The following CSMD3 variants were observed in gnomAD, a reference collection of about 807,000 sequenced individuals.
CSMD3 encodes CUB and sushi domain-containing protein 3.
Under a neutral mutation model 435.2 loss-of-function variants are expected in CSMD3, and 177 were observed. That is an observed-to-expected ratio of 0.41 (90% CI 0.36 to 0.46). The LOEUF (loss-of-function observed/expected upper bound fraction) is 0.46, where lower values mean the gene tolerates loss of function less well. Among genes scored for constraint, CSMD3 ranks in the 20% least tolerant of loss-of-function variants. CSMD3 has a pLI of 0.34. For missense variants in CSMD3, 4,265 were observed against 4,504.6 expected (o/e 0.95, Z 1.52); for synonymous variants, 1,656 against 1,520.5 (o/e 1.09, Z -2.07).
chr8:112,385,414 A>G (rs1260191472), intron 36 of CSMD3, among the ~76,000 whole-genome samples: 1 of 152,226 alleles, frequency 6.6e-6, no homozygotes, highest in African/African-American at 2.4e-5. Context: ...ATAAAAAACT[A>G]AACCCCAGCA....
chr8:112,606,204 C>A (rs1331989475), intron 22 of CSMD3, among the ~76,000 whole-genome samples: 2 of 152,146 alleles, frequency 1.3e-5, no homozygotes, highest in African/African-American at 4.8e-5. Context: ...CAGGGTGGCA[C>A]AGGTTGATGC....
At chr8:113,041,767 C>T (rs1040026279) in intron 5 of CSMD3, among the ~76,000 whole-genome samples, 10 of 152,000 alleles carry the variant, frequency 6.6e-5, no homozygotes, top group African/African-American at 1.9e-4. Flanking sequence ...CTTAGAAAGC[C>T]TTTTTCTATT....
intron 15 of CSMD3, 90 bp from the exon 16 acceptor site, chr8:112,682,726 A>G: frequency 1.1e-6 from 1 of 897,480 alleles, no homozygotes; most frequent in Non-Finnish European, 1.8e-6. Context: ...GAGAGAGAGA[A>G]AGAGATATTT....
intron 9 of CSMD3, among the ~76,000 whole-genome samples, chr8:112,942,584 A>G (rs892669441): frequency 1.3e-5 from 2 of 151,818 alleles, no homozygotes; most frequent in Admixed American, 6.6e-5. Context: ...GCTGGAGGCG[A>G]TGGTCCTAAG....
intron 3 of CSMD3, among the ~76,000 whole-genome samples, chr8:113,266,596 T>G (rs1024321211): frequency 6.6e-6 from 1 of 151,604 alleles, no homozygotes; most frequent in Non-Finnish European, 1.5e-5. Context: ...TAGGGTGAGA[T>G]AATCCATGTA....
chr8:113,286,861 A>T (rs2093650386), intron 2 of CSMD3, among the ~76,000 whole-genome samples: 1 of 151,978 alleles, frequency 6.6e-6, no homozygotes, highest in Non-Finnish European at 1.5e-5. Context: ...CAAAATAGAC[A>T]TGGATGTAAG....
chr8:113,265,083 C>T (rs968214535), intron 3 of CSMD3, among the ~76,000 whole-genome samples: 77 of 151,514 alleles, frequency 5.1e-4, no homozygotes, highest in African/African-American at 1.8e-3. Context: ...ATACATGTTG[C>T]TAAACGTGTC....
intron 27 of CSMD3, among the ~76,000 whole-genome samples, chr8:112,540,520 T>C (rs2131134096): frequency 6.6e-6 from 1 of 152,142 alleles, no homozygotes; most frequent in Middle Eastern, 3.4e-3. Flanking sequence ...AACGAAGGTA[T>C]TCAATCAACC....
At chr8:113,340,036 T>A (rs1311320186) in intron 1 of CSMD3, among the ~76,000 whole-genome samples, 3 of 152,058 alleles carry the variant, frequency 2.0e-5, no homozygotes, top group African/African-American at 4.8e-5. Flanking sequence ...TAGTCTTTAC[T>A]TAACTTTGAA....
intron 6 of CSMD3, among the ~76,000 whole-genome samples, chr8:112,982,043 G>GTATCTCTCT (rs1457071814): frequency 6.6e-6 from 1 of 151,750 alleles, no homozygotes; most frequent in Non-Finnish European, 1.5e-5. Context: ...CTTGAAAATA[G>GTATCTCTCT]TATCTCTCTC....
At chr8:112,463,778 G>T (rs148619389) in intron 32 of CSMD3, among the ~76,000 whole-genome samples, 1 of 152,106 alleles carries the variant, frequency 6.6e-6, no homozygotes, top group Admixed American at 6.5e-5. Flanking sequence ...GGTTGTGTGT[G>T]TCAAGCAGTC....
chr8:113,289,578 G>A (rs1466128734), intron 2 of CSMD3, among the ~76,000 whole-genome samples: 2 of 150,136 alleles, frequency 1.3e-5, no homozygotes, highest in East Asian at 3.9e-4. Flanking sequence ...GAGAGAGAGA[G>A]AGAGAGAGAG....
chr8:112,860,176 C>T (rs1053519559), intron 10 of CSMD3, among the ~76,000 whole-genome samples: 2 of 151,688 alleles, frequency 1.3e-5, no homozygotes, highest in Non-Finnish European at 3.0e-5. Context: ...CCCAGGTCTT[C>T]TGATTCAAGT....
At position 112,406,387 on chromosome 8, in the gene CSMD3, T is replaced by A. The variant is rs1039242242; in HGVS notation, c.5809+137A>T. The A allele has an allele frequency of 6.2e-6, 3 of 486,296 alleles. No individual in the cohort carries two copies. The Admixed American group carries it at 1.1e-4, about 18-fold the overall frequency. The allele number at this position is 486,296 out of a possible 1,614,324, so 30.1% of individuals were successfully genotyped here. A position where few individuals can be genotyped will look rare whatever the true frequency, so the allele number is the denominator to read the frequency against. On this transcript the variant is annotated intron_variant, in intron 35 of 70. Coordinates refer to ENST00000297405, the MANE Select transcript of CSMD3 (RefSeq NM_198123.2). ...ACAAATCTCCACTGATTTTTCATAT[T>A]TATATAAAGCATACTTATTAAATTA...
intron 11 of CSMD3, among the ~76,000 whole-genome samples, chr8:112,836,901 G>A (rs1021004854): frequency 3.3e-5 from 5 of 151,786 alleles, no homozygotes; most frequent in African/African-American, 1.2e-4. Flanking sequence ...TTGGCTACTG[G>A]TGATGAAACT....
At chr8:112,311,968 C>T (rs568999845) in intron 49 of CSMD3, among the ~76,000 whole-genome samples, 8 of 152,212 alleles carry the variant, frequency 5.3e-5, no homozygotes, top group South Asian at 4.1e-4. Flanking sequence ...ATATGTCAAG[C>T]TGTTCTTGAG....
intron 4 of CSMD3, among the ~76,000 whole-genome samples, chr8:113,164,434 GA>G (rs942525469): frequency 7.0e-6 from 1 of 142,880 alleles, no homozygotes; most frequent in Non-Finnish European, 1.5e-5. Flanking sequence ...AAAAAAAAAA[GA>G]AAAAAAAACA....
At position 112,503,890 on chromosome 8, in the gene CSMD3, G is replaced by T. The variant is rs769030894; in HGVS notation, c.4983C>A (p.Ser1661Arg). 1 of 1,612,276 alleles carries T rather than the reference G, an allele frequency of 6.2e-7. No homozygotes were observed. The highest frequency in any genetic ancestry group is 8.5e-7 in the Non-Finnish European group (1 of 1,178,812). Residue 1661 changes from serine (S) to arginine (R), a missense_variant, in exon 30 of 71, where the codon AGC (serine) becomes AGA (arginine). This residue lies in a region of CSMD3 where 3,255 missense variants were observed against 3,380.2 expected (regional missense o/e 0.96). Transcript: ENST00000297405. ...TGCTTTCTATTCTCTCTGGTAACTT[G>T]CTGTCTTGAAAACTTCCAATCAGTG... The part of the protein sequence containing the change: ...NSPLIGSFQD[S>R]KLPERIESSS...
chr8:113,029,388 C>G (rs762807666), intron 5 of CSMD3, among the ~76,000 whole-genome samples: 4 of 151,506 alleles, frequency 2.6e-5, no homozygotes, highest in African/African-American at 9.7e-5. Context: ...AAAATACTAG[C>G]TAATCAAATC....
Sources: allele counts gnomAD v4.1 joint callset (sites outside exome capture counted in the v4.1 genomes callset), GRCh38; gene constraint gnomAD v4.1.1; regional missense constraint gnomAD v4.1.1; transcripts MANE v1.5; gene names NCBI Gene and HGNC (gene_info 2026-07-23, HGNC 2026-07-21).